BRWD1: variants seen among roughly 807,000 people sequenced by gnomAD.
The protein encoded by BRWD1 is bromodomain and WD repeat-containing protein 1.
BRWD1 carries 82 observed loss-of-function variants against 251.2 expected under a neutral mutation model. The ratio of observed to expected loss-of-function variants is 0.33; its 90% CI spans 0.27 to 0.39. The LOEUF (loss-of-function observed/expected upper bound fraction) is 0.39. BRWD1 is among the 10% of genes least tolerant of loss of function. The probability of loss-of-function intolerance (pLI) is 1.00; values close to 1 mark genes in which losing one functional copy is unlikely to be tolerated. For missense variants in BRWD1, 2,233 were observed against 2,711.6 expected (o/e 0.82, Z 3.92); for synonymous variants, 918 against 902.8 (o/e 1.02, Z -0.30).
chr21:39,288,035 A>C (rs7282724), intron 8 of BRWD1, among the ~76,000 whole-genome samples: 140,965 of 152,144 alleles, frequency 0.93, 65,651 homozygotes, highest in African/African-American at 0.97. Flanking sequence ...CTCAAGGCTG[A>C]GAGATGCAGT....
intron 7 of BRWD1, among the ~76,000 whole-genome samples, chr21:39,294,795 G>A (rs1179493083): frequency 6.6e-6 from 1 of 152,126 alleles, no homozygotes; most frequent in African/African-American, 2.4e-5. Context: ...GGTGGGAATA[G>A]CCTCCTCACG....
intron 25 of BRWD1, 48 bp from the exon 26 acceptor site, chr21:39,229,484 A>T: frequency 2.0e-6 from 3 of 1,517,510 alleles, no homozygotes; most frequent in Non-Finnish European, 2.7e-6. Context: ...CAATTCCTTA[A>T]TACTATAATT....
intron 4 of BRWD1, among the ~76,000 whole-genome samples, chr21:39,311,686 T>G (rs1160527166): frequency 6.6e-6 from 1 of 152,222 alleles, no homozygotes; most frequent in African/African-American, 2.4e-5. Flanking sequence ...CACATTGCCA[T>G]CAGAATTTTT....
intron 33 of BRWD1, among the ~76,000 whole-genome samples, 200 bp from the exon 34 acceptor site, chr21:39,212,907 T>C (rs2032724746): frequency 6.6e-6 from 1 of 152,220 alleles, no homozygotes; most frequent in Non-Finnish European, 1.5e-5. Context: ...AATAATCCTT[T>C]TTCATTCCCT....
chr21:39,190,836 C>T lies in BRWD1; in HGVS notation c.*5423G>A, dbSNP rs2031514348. On this transcript the variant is annotated 3_prime_UTR_variant, in exon 41 of 41. Coordinates refer to ENST00000342449, the MANE Select transcript of BRWD1 (RefSeq NM_033656.4). ...GTCAAAAGACCATCAGAAATAATTC[C>T]ATGAACTAGTTCATTAGCTTATTCA... 22 of 985,220 alleles carry T rather than the reference C, an allele frequency of 2.2e-5. No homozygotes were observed. The highest frequency in any genetic ancestry group is 2.7e-5 in the Non-Finnish European group (22 of 829,828). The allele number at this position is 985,220 out of a possible 1,614,324, so 61.0% of individuals were successfully genotyped here. A position where few individuals can be genotyped will look rare whatever the true frequency, so the allele number is the denominator to read the frequency against.
intron 8 of BRWD1, among the ~76,000 whole-genome samples, chr21:39,280,875 T>G (rs905819403): frequency 3.3e-5 from 5 of 152,182 alleles, no homozygotes; most frequent in African/African-American, 1.2e-4. Context: ...ACACAGGAAC[T>G]ATACTGCAGC....
chr21:39,317,995 A>G (rs1272805832), upstream of BRWD1, among the ~76,000 whole-genome samples: 1 of 152,214 alleles, frequency 6.6e-6, no homozygotes, highest in Admixed American at 6.5e-5. Context: ...GGCTGTCACA[A>G]GCTATGGTGG....
At chr21:39,238,340 C>T in intron 22 of BRWD1, 139 bp downstream of exon 22, 1 of 498,060 alleles carries the variant, frequency 2.0e-6, no homozygotes, top group Non-Finnish European at 3.6e-6. Flanking sequence ...GCTGTTGGAT[C>T]TAGTTTTTGT....
Position 39,199,021 on chromosome 21 carries a change from C to T in BRWD1, c.5395G>A (p.Gly1799Ser). The change falls in exon 40 of 41, where the codon GGT (glycine) becomes AGT (serine). Residue 1799 changes from glycine to serine, a missense_variant. By Grantham distance (56) the Gly-to-Ser change is moderately conservative. This residue lies in a region of BRWD1 where 928 missense variants were observed against 970.0 expected (regional missense o/e 0.96). Coordinates refer to ENST00000342449, the MANE Select transcript of BRWD1 (RefSeq NM_033656.4). ...EEADSEPGRS[G>S]GRKYNTFHKN... is the part of the protein sequence containing the mutation. ...TGAAATGTATTGTATTTCCTACCAC[C>T]AGATCTTCCTGGTTCAGAATCTGCT... The T allele has an allele frequency of 6.2e-7, 1 of 1,614,082 alleles. No individual in the cohort carries two copies. The highest frequency in any genetic ancestry group is 1.1e-5 in the South Asian group (1 of 91,070).
Position 39,197,122 on chromosome 21 carries a change from C to A in BRWD1, c.5947G>T (p.Val1983Leu). ...KKKLSDCEGS[V>L]HCEVPSEQYA... ...TGTTCACTTGGTACTTCACAATGTA[C>A]ACTTCCTTCACAATCACTCAATTTC... Residue 1983 changes from valine to leucine, a missense_variant, in exon 41 of 41, where the codon GTA (valine) becomes TTA (leucine). Around this residue, in one of 12 missense-constraint regions of BRWD1, gnomAD observed 928 missense variants for 970.0 expected, o/e 0.96. Coordinates refer to ENST00000342449, the MANE Select transcript of BRWD1 (RefSeq NM_033656.4). 1 of 1,614,150 alleles carries A rather than the reference C, an allele frequency of 6.2e-7. No homozygotes were observed. The highest frequency in any genetic ancestry group is 8.5e-7 in the Non-Finnish European group (1 of 1,179,976).
chr21:39,252,623 G>C (rs1158900478), intron 19 of BRWD1, among the ~76,000 whole-genome samples: 1 of 152,074 alleles, frequency 6.6e-6, no homozygotes, highest in Non-Finnish European at 1.5e-5. Flanking sequence ...CTTTCTTTTA[G>C]AATAAAATGC....
chr21:39,280,195 A>G lies in BRWD1; in HGVS notation c.885T>C (p.Asp295=). The change falls in exon 9 of 41, where the codon GAT becomes GAC. Residue 295 remains aspartate, a synonymous_variant. Transcript: ENST00000342449. The part of the protein sequence containing the change: ...SQRYMVSTGA[D]GTVCFWQWDL... ...CCCATTGCCAAAAGCAAACTGTCCC[A>G]TCAGCACCAGTGGAAACCATGTATC... 6.2e-7 allele frequency: 1 copy of G among 1,609,402 alleles called. No homozygotes were observed. The highest frequency in any genetic ancestry group is 8.5e-7 in the Non-Finnish European group (1 of 1,178,606).
intron 4 of BRWD1, among the ~76,000 whole-genome samples, chr21:39,312,123 G>C (rs1220786251): frequency 6.6e-6 from 1 of 152,148 alleles, no homozygotes; most frequent in African/African-American, 2.4e-5. Flanking sequence ...ATAAAAGCAA[G>C]TTATATAGAA....
rs760560303 is a variant in BRWD1 at position 39,196,396 on chromosome 21, A to G, written c.6673T>C (p.Tyr2225His). 1.4e-5 allele frequency: 23 copies of G among 1,613,680 alleles called. No individual in the cohort carries two copies. The highest frequency in any genetic ancestry group is 1.8e-5 in the Non-Finnish European group (21 of 1,179,772). ...VDDNDWEDLD[Y>H]AKSKRVLRRS... is the part of the protein sequence containing the mutation. ...CGAAGAACTCTTTTAGATTTTGCAT[A>G]GTCCAAATCCTCCCAGTCATTATCA... is the stretch of plus-strand genomic sequence containing the variant. The change falls in exon 41 of 41, where the codon TAT (tyrosine) becomes CAT (histidine). Residue 2225 changes from tyrosine to histidine, a missense_variant. Coordinates refer to ENST00000342449, the MANE Select transcript of BRWD1 (RefSeq NM_033656.4).
Position 39,200,325 on chromosome 21 carries a change from C to T in BRWD1, c.4647G>A (p.Glu1549=). 6.2e-7 allele frequency: 1 copy of T among 1,614,104 alleles called. No homozygotes were observed. The highest frequency in any genetic ancestry group is 8.5e-7 in the Non-Finnish European group (1 of 1,179,988). ...SLSSSASSSS[E]ESKESSRARE... The stretch of plus-strand genomic sequence containing the variant: ...GAGCTCTGGAACTCTCTTTGCTTTC[C>T]TCAGAACTACTGGAAGCTGACGATG... The change falls in exon 39 of 41, where the codon GAG becomes GAA. Residue 1549 remains glutamate (E), a synonymous_variant. Transcript: ENST00000342449.
intron 17 of BRWD1, among the ~76,000 whole-genome samples, chr21:39,260,586 T>C (rs1601407039): frequency 1.3e-5 from 2 of 152,230 alleles, no homozygotes; most frequent in Admixed American, 6.5e-5. Flanking sequence ...GGAAGTGTCC[T>C]TCTGCCATAA....
intron 39 of BRWD1, 58 bp from the exon 40 acceptor site, chr21:39,199,720 A>G (rs1237847757): frequency 5.0e-6 from 7 of 1,404,638 alleles, no homozygotes; most frequent in Non-Finnish European, 6.7e-6. Context: ...ACATTTTTAA[A>G]TGACTATTAT....
At position 39,192,257 on chromosome 21, in the gene BRWD1, C is replaced by T. The variant is rs918515781; in HGVS notation, c.*4002G>A. On this transcript the variant is annotated 3_prime_UTR_variant, in exon 41 of 41. Transcript: ENST00000342449. The stretch of plus-strand genomic sequence containing the variant: ...ACAACACAGCCCTTAGCATTACATA[C>T]TTTACTTTTCAATCCTTACTATTCA... The T allele has an allele frequency of 1.1e-6, 1 of 948,918 alleles. No individual in the cohort carries two copies. The allele number at this position is 948,918 out of a possible 1,614,324, so 58.8% of individuals were successfully genotyped here.
Position 39,190,201 on chromosome 21 carries a change from T to G in BRWD1, c.*6058A>C. 2.0e-6 allele frequency: 2 copies of G among 982,580 alleles called. No homozygotes were observed. The highest frequency in any genetic ancestry group is 3.5e-5 in the African/African-American group (2 of 56,900). 60.9% of individuals were successfully genotyped at this position (982,580 alleles called of 1,614,324 possible). On this transcript the variant is annotated 3_prime_UTR_variant, in exon 41 of 41. Coordinates refer to ENST00000342449, the MANE Select transcript of BRWD1 (RefSeq NM_033656.4). The stretch of plus-strand genomic sequence containing the variant: ...CTCAACACAATCTCTAGTTTCTACA[T>G]TTCAAGGATTAATCATATTCTAATT...
Sources: allele counts gnomAD v4.1 joint callset (sites outside exome capture counted in the v4.1 genomes callset), GRCh38; gene constraint gnomAD v4.1.1; regional missense constraint gnomAD v4.1.1; transcripts MANE v1.5; gene names NCBI Gene and HGNC (gene_info 2026-07-23, HGNC 2026-07-21).